NCKAP5: variants seen among roughly 807,000 people sequenced by gnomAD.
NCKAP5 encodes nck-associated protein 5.
In NCKAP5, 92 loss-of-function variants were observed where a neutral mutation model predicts 167.0. That is an observed-to-expected ratio of 0.55 (90% CI 0.47 to 0.66). The LOEUF is 0.66. Among genes scored for constraint, NCKAP5 ranks in the 30% least tolerant of loss-of-function variants. The pLI, the probability that NCKAP5 is intolerant of heterozygous loss-of-function variation, is 0.00. For missense variants in NCKAP5, 2,378 were observed against 2,315.0 expected, an observed-to-expected ratio of 1.03 and a Z score of -0.56; for synonymous variants, 891 against 877.4, an observed-to-expected ratio of 1.02 and a Z score of -0.27.
chr2:133,406,501 T>G (rs1221909901), intron 3 of NCKAP5, among the ~76,000 whole-genome samples: 7 of 151,496 alleles, frequency 4.6e-5, no homozygotes, highest in African/African-American at 1.7e-4. Flanking sequence ...TTTTTACAGT[T>G]TTGCCCAAGG....
At chr2:133,636,750 T>C in the NCKAP5 span, among the ~76,000 whole-genome samples, 1 of 152,020 alleles carries the variant, frequency 6.6e-6, no homozygotes, top group African/African-American at 2.4e-5. Context: ...TCTAATGGAA[T>C]TGTCCCATTC....
chr2:133,317,026 A>T (rs1574682683), intron 3 of NCKAP5, among the ~76,000 whole-genome samples: 1 of 152,148 alleles, frequency 6.6e-6, no homozygotes, highest in South Asian at 2.1e-4. Flanking sequence ...TACTAAGGAG[A>T]CCATAGGCAT....
intron 4 of NCKAP5, among the ~76,000 whole-genome samples, chr2:133,231,158 T>C (rs575895337): frequency 5.3e-4 from 80 of 152,144 alleles, no homozygotes; most frequent in Middle Eastern, 3.4e-3. Context: ...GAATAAAGAA[T>C]GGAGAAAATG....
chr2:133,283,238 A>C lies in NCKAP5; in HGVS notation c.143+19799T>G, dbSNP rs1232021733. 3.9e-5 allele frequency among the ~76,000 whole-genome samples: 6 copies of C among 152,330 alleles called. No homozygotes were observed. In the East Asian group the frequency reaches 1.2e-3, roughly 29 times the overall value. ...AATAAGATAACATAATATCATGAGA[A>C]GCCAGGAAAATGGGTAAGATTGACC... On this transcript the variant is annotated intron_variant, in intron 4 of 19. Transcript: ENST00000409261.
chr2:133,657,480 A>G, the NCKAP5 span, among the ~76,000 whole-genome samples: 1 of 152,214 alleles, frequency 6.6e-6, no homozygotes, highest in Admixed American at 6.5e-5. Flanking sequence ...TTCCCTGACC[A>G]TGGCCTTCTC....
intron 3 of NCKAP5, among the ~76,000 whole-genome samples, chr2:133,415,524 T>G (rs1689055304): frequency 6.6e-6 from 1 of 152,242 alleles, no homozygotes; most frequent in African/African-American, 2.4e-5. Context: ...CAGGTCACTT[T>G]GGGAGCCAGC....
At chr2:132,780,432 G>A (rs1682933751) in intron 15 of NCKAP5, among the ~76,000 whole-genome samples, 1 of 152,170 alleles carries the variant, frequency 6.6e-6, no homozygotes. Flanking sequence ...TTACAGGCGT[G>A]AGCCACCGCA....
chr2:132,684,803 C>T (rs1685717058), intron 19 of NCKAP5, among the ~76,000 whole-genome samples: 1 of 152,134 alleles, frequency 6.6e-6, no homozygotes, highest in East Asian at 1.9e-4. Context: ...GCTATCCGTT[C>T]TGACATCCCA....
chr2:133,502,788 A>C (rs59817257), intron 3 of NCKAP5, among the ~76,000 whole-genome samples: 30,382 of 152,170 alleles, frequency 0.2, 3,617 homozygotes, highest in East Asian at 0.42. Context: ...TAATAGAAGC[A>C]CAGTACTTCG....
At chr2:132,899,081 T>C (rs1693423755) in intron 8 of NCKAP5, among the ~76,000 whole-genome samples, 1 of 152,214 alleles carries the variant, frequency 6.6e-6, no homozygotes, top group African/African-American at 2.4e-5. Context: ...TCAAAAAATC[T>C]GTTGTTTAGT....
the NCKAP5 span, among the ~76,000 whole-genome samples, chr2:133,604,365 C>T: frequency 6.6e-6 from 1 of 152,122 alleles, no homozygotes; most frequent in Admixed American, 6.5e-5. Flanking sequence ...GCCACCACGC[C>T]TGGCTAATTT....
At chr2:133,019,688 T>C (rs2078460020) in intron 6 of NCKAP5, among the ~76,000 whole-genome samples, 1 of 152,184 alleles carries the variant, frequency 6.6e-6, no homozygotes, top group Non-Finnish European at 1.5e-5. Context: ...TGGATGTATC[T>C]AATCATATTA....
intron 8 of NCKAP5, among the ~76,000 whole-genome samples, chr2:132,884,818 G>T (rs945834606): frequency 6.6e-6 from 1 of 151,386 alleles, no homozygotes; most frequent in Non-Finnish European, 1.5e-5. Context: ...CTGAAAATGG[G>T]AATTTATATG....
chr2:133,669,273 T>C, the NCKAP5 span, among the ~76,000 whole-genome samples: 1 of 152,204 alleles, frequency 6.6e-6, no homozygotes. Context: ...GCTCCTCAGA[T>C]TGTTGCAAGC....
At chr2:133,098,679 T>C (rs2081414680) in intron 6 of NCKAP5, among the ~76,000 whole-genome samples, 1 of 152,232 alleles carries the variant, frequency 6.6e-6, no homozygotes, top group Admixed American at 6.5e-5. Context: ...TCTAGTTATA[T>C]TTAAATAATA....
intron 8 of NCKAP5, among the ~76,000 whole-genome samples, chr2:132,918,486 T>C (rs1009536319): frequency 6.6e-6 from 1 of 152,214 alleles, no homozygotes; most frequent in Non-Finnish European, 1.5e-5. Flanking sequence ...TTTTGTAATT[T>C]TTTTTTATAG....
At chr2:132,744,361 T>C (rs1183997806) in intron 16 of NCKAP5, among the ~76,000 whole-genome samples, 2 of 151,610 alleles carry the variant, frequency 1.3e-5, no homozygotes, top group African/African-American at 4.8e-5. Flanking sequence ...GAGAAGTCAA[T>C]AGAAGAAAGA....
intron 19 of NCKAP5, among the ~76,000 whole-genome samples, chr2:132,721,222 C>T (rs1029307230): frequency 1.3e-5 from 2 of 152,016 alleles, no homozygotes; most frequent in African/African-American, 2.4e-5. Flanking sequence ...GCAGGAGAAT[C>T]GCTTCAACCC....
intron 19 of NCKAP5, chr2:132,714,851 C>T (rs537512988): frequency 3.1e-5 from 14 of 453,630 alleles, no homozygotes; most frequent in South Asian, 1.4e-4. Flanking sequence ...ACACAGCCAG[C>T]GCTGAAACCC....
Sources: allele counts gnomAD v4.1 joint callset (sites outside exome capture counted in the v4.1 genomes callset), GRCh38; gene constraint gnomAD v4.1.1; transcripts MANE v1.5; gene names NCBI Gene and HGNC (gene_info 2026-07-23, HGNC 2026-07-21).